The following CPEB3 variants were observed in gnomAD, a reference collection of about 807,000 sequenced individuals.
CPEB3 encodes cytoplasmic polyadenylation element-binding protein 3.
A neutral mutation model predicts 67.2 loss-of-function variants in CPEB3; 20 were observed. The ratio of observed to expected loss-of-function variants is 0.30; its 90% CI spans 0.21 to 0.43. CPEB3 has a LOEUF of 0.43. CPEB3 is among the 20% of genes least tolerant of loss of function. The pLI, the probability that CPEB3 is intolerant of heterozygous loss-of-function variation, is 1.00. For missense variants in CPEB3, 746 were observed against 968.6 expected (o/e 0.77, Z 3.05); for synonymous variants, 376 against 393.1 (o/e 0.96, Z 0.51).
At chr10:92,143,689 A>G (rs1408804088) in intron 5 of CPEB3, among the ~76,000 whole-genome samples, 1 of 152,152 alleles carries the variant, frequency 6.6e-6, no homozygotes, top group East Asian at 1.9e-4. Context: ...ATACATTTAT[A>G]TTTTCCCTCT....
intron 9 of CPEB3, among the ~76,000 whole-genome samples, chr10:92,056,971 T>A (rs1842134457): frequency 6.6e-6 from 1 of 152,292 alleles, no homozygotes; most frequent in African/African-American, 2.4e-5. Context: ...AGACACACCT[T>A]GGGCCAGAAG....
At chr10:92,195,935 T>C (rs901755601) in intron 2 of CPEB3, among the ~76,000 whole-genome samples, 4 of 152,214 alleles carry the variant, frequency 2.6e-5, no homozygotes, top group African/African-American at 9.7e-5. Context: ...CACATTACAA[T>C]GTTTTAATGT....
At chr10:92,171,982 G>C (rs1177268392) in intron 4 of CPEB3, among the ~76,000 whole-genome samples, 1 of 152,034 alleles carries the variant, frequency 6.6e-6, no homozygotes, top group African/African-American at 2.4e-5. Flanking sequence ...TGTAAAGAGG[G>C]GTTAAAGTGT....
intron 2 of CPEB3, among the ~76,000 whole-genome samples, chr10:92,235,885 A>C (rs1159363814): frequency 6.6e-6 from 1 of 152,230 alleles, no homozygotes; most frequent in Non-Finnish European, 1.5e-5. Flanking sequence ...CTTGACAGCA[A>C]TGCTATTTAA....
chr10:92,254,974 T>C (rs1852458803), intron 1 of CPEB3, among the ~76,000 whole-genome samples: 1 of 152,050 alleles, frequency 6.6e-6, no homozygotes, highest in Non-Finnish European at 1.5e-5. Context: ...TCGCAAAGTG[T>C]TGGGATTACA....
chr10:92,182,851 G>A (rs1365810273), intron 3 of CPEB3, among the ~76,000 whole-genome samples: 2 of 150,106 alleles, frequency 1.3e-5, no homozygotes, highest in Non-Finnish European at 3.0e-5. Flanking sequence ...AAAAGAGGCA[G>A]GGAAAAACAA....
chr10:92,059,576 C>G (rs543153410), intron 9 of CPEB3, among the ~76,000 whole-genome samples: 28 of 151,632 alleles, frequency 1.8e-4, no homozygotes, highest in South Asian at 6.2e-4. Flanking sequence ...ACTAGAAACA[C>G]AAGGGAGAAC....
intron 3 of CPEB3, among the ~76,000 whole-genome samples, chr10:92,190,600 C>T (rs115305784): frequency 0.014 from 1,867 of 133,890 alleles, 43 homozygotes; most frequent in African/African-American, 0.049. Flanking sequence ...ATGAGGCACA[C>T]GTTGTGGTAA....
At chr10:92,264,181 A>G (rs959551541) in intron 1 of CPEB3, among the ~76,000 whole-genome samples, 2 of 152,082 alleles carry the variant, frequency 1.3e-5, no homozygotes, top group Non-Finnish European at 2.9e-5. Context: ...TATAAAAATT[A>G]GCTGGGCATG....
At chr10:92,167,257 T>C (rs919994087) in intron 4 of CPEB3, among the ~76,000 whole-genome samples, 3 of 152,248 alleles carry the variant, frequency 2.0e-5, no homozygotes, top group Non-Finnish European at 4.4e-5. Context: ...AATAACACTT[T>C]TAATTTCCTT....
intron 9 of CPEB3, among the ~76,000 whole-genome samples, chr10:92,065,449 G>C (rs1209814015): frequency 6.6e-6 from 1 of 152,110 alleles, no homozygotes; most frequent in African/African-American, 2.4e-5. Context: ...TTGAACTCCT[G>C]GCCTCAAGTG....
intron 1 of CPEB3, among the ~76,000 whole-genome samples, chr10:92,274,995 G>A (rs372855782): frequency 1.6e-4 from 25 of 152,188 alleles, no homozygotes; most frequent in African/African-American, 5.1e-4. Context: ...AAACAGGGCC[G>A]AACCCATGAG....
intron 6 of CPEB3, among the ~76,000 whole-genome samples, chr10:92,111,896 A>G: frequency 6.6e-6 from 1 of 152,160 alleles, no homozygotes; most frequent in East Asian, 1.9e-4. Context: ...AAAGGCCAAC[A>G]ATAAGCTGGT....
chr10:92,085,502 A>T (rs894684576), intron 8 of CPEB3, among the ~76,000 whole-genome samples: 5 of 152,230 alleles, frequency 3.3e-5, no homozygotes, highest in Non-Finnish European at 7.3e-5. Context: ...AGCAATATGG[A>T]GCATAGCATC....
At chr10:92,095,368 A>G (rs1403011284) in intron 7 of CPEB3, among the ~76,000 whole-genome samples, 1 of 151,790 alleles carries the variant, frequency 6.6e-6, no homozygotes, top group South Asian at 2.1e-4. Context: ...TGCAGAATTA[A>G]TCAACATAGA....
chr10:92,121,732 G>A (rs1210517872), intron 6 of CPEB3, among the ~76,000 whole-genome samples: 2 of 152,034 alleles, frequency 1.3e-5, no homozygotes, highest in African/African-American at 4.8e-5. Context: ...TTCATAAAAT[G>A]GCAGACCAAG....
At chr10:92,122,431 G>A (rs960425228) in intron 6 of CPEB3, among the ~76,000 whole-genome samples, 6 of 152,168 alleles carry the variant, frequency 3.9e-5, no homozygotes, top group Admixed American at 6.5e-5. Context: ...TGCCTGCAGC[G>A]GAGAGCACTC....
At chr10:92,073,338 C>T (rs537097088) in intron 9 of CPEB3, among the ~76,000 whole-genome samples, 4 of 151,838 alleles carry the variant, frequency 2.6e-5, no homozygotes, top group Non-Finnish European at 4.4e-5. Flanking sequence ...TGCGCCTGGC[C>T]GTATCTGTGT....
At chr10:92,130,246 G>T (rs1845784052) in intron 6 of CPEB3, among the ~76,000 whole-genome samples, 1 of 151,606 alleles carries the variant, frequency 6.6e-6, no homozygotes, top group Non-Finnish European at 1.5e-5. Context: ...AATCTAAACT[G>T]ATGCCCCCTT....
Sources: gnomAD v4.1 joint callset for allele counts (sites outside exome capture counted in the v4.1 genomes callset) on GRCh38, gnomAD v4.1.1 for gene constraint, MANE v1.5 for transcripts, NCBI Gene and HGNC (gene_info 2026-07-23, HGNC 2026-07-21) for gene names.